Variants in SUMF1 observed in about 807,000 individuals in gnomAD.
SUMF1 encodes formylglycine-generating enzyme.
A neutral mutation model predicts 47.6 loss-of-function variants in SUMF1; 48 were observed. That is an observed-to-expected ratio of 1.01 (90% confidence interval 0.80 to 1.28). The LOEUF (loss-of-function observed/expected upper bound fraction) is 1.28. SUMF1 is among the 50% of genes most tolerant of loss of function. The pLI is 0.00. For missense variants in SUMF1, 571 were observed against 485.4 expected, an observed-to-expected ratio of 1.18 and a Z score of -1.66; for synonymous variants, 230 against 192.1, an observed-to-expected ratio of 1.20 and a Z score of -1.63.
intron 7 of SUMF1, among the ~76,000 whole-genome samples, chr3:4,381,093 C>G (rs1439411482): frequency 6.6e-6 from 1 of 152,122 alleles, no homozygotes; most frequent in Non-Finnish European, 1.5e-5. Flanking sequence ...CCCTTTCCCT[C>G]GTCATGCCCA....
intron 9 of SUMF1, among the ~76,000 whole-genome samples, chr3:4,048,443 A>G (rs1314221722): frequency 6.6e-6 from 1 of 152,302 alleles, no homozygotes; most frequent in African/African-American, 2.4e-5. Context: ...AAGTGGCAGA[A>G]CCAGAATTTA....
At chr3:4,450,171 G>A (rs1298774107) in intron 2 of SUMF1, among the ~76,000 whole-genome samples, 2 of 152,212 alleles carry the variant, frequency 1.3e-5, no homozygotes, top group Non-Finnish European at 2.9e-5. Context: ...GGTCTAGGGT[G>A]AGGTCAAGGA....
chr3:4,331,913 T>C (rs1280389403), intron 8 of SUMF1, among the ~76,000 whole-genome samples: 1 of 152,222 alleles, frequency 6.6e-6, no homozygotes, highest in African/African-American at 2.4e-5. Flanking sequence ...AAGCAAGTTT[T>C]ATGCCTTAAA....
chr3:4,114,011 T>C (rs989062583), intron 8 of SUMF1, among the ~76,000 whole-genome samples: 3 of 152,106 alleles, frequency 2.0e-5, no homozygotes, highest in African/African-American at 7.2e-5. Context: ...AAGATGCTGA[T>C]TGGACGTTTC....
intron 3 of SUMF1, among the ~76,000 whole-genome samples, chr3:4,421,232 A>G (rs1452179097): frequency 6.6e-6 from 1 of 152,090 alleles, no homozygotes; most frequent in East Asian, 1.9e-4. Flanking sequence ...AACTTATTTA[A>G]CCTCTTTCCC....
At chr3:4,397,988 G>C (rs1296230253) in intron 7 of SUMF1, among the ~76,000 whole-genome samples, 1 of 151,994 alleles carries the variant, frequency 6.6e-6, no homozygotes. Flanking sequence ...CCCATAAAGG[G>C]TATTACTATT....
chr3:4,363,485 A>G (rs1699840123), intron 8 of SUMF1, among the ~76,000 whole-genome samples: 1 of 151,536 alleles, frequency 6.6e-6, no homozygotes. Flanking sequence ...CTTTGAAGTA[A>G]TTGTGAATGG....
intron 8 of SUMF1, among the ~76,000 whole-genome samples, chr3:4,258,867 T>C (rs1038196867): frequency 7.3e-6 from 1 of 136,656 alleles, no homozygotes; most frequent in African/African-American, 2.8e-5. Context: ...CCAACCCAAA[T>C]GTCCAACAAT....
At chr3:4,242,067 C>T (rs560422916) in intron 8 of SUMF1, among the ~76,000 whole-genome samples, 1 of 152,200 alleles carries the variant, frequency 6.6e-6, no homozygotes, top group Admixed American at 6.5e-5. Context: ...ATGATCCTTG[C>T]CCTCTGTTTG....
intron 8 of SUMF1, among the ~76,000 whole-genome samples, chr3:4,271,783 T>C (rs1452718662): frequency 1.3e-5 from 2 of 152,158 alleles, no homozygotes; most frequent in East Asian, 3.8e-4. Context: ...ATTACAAGAA[T>C]GAGCCAACCT....
Position 4,361,961 on chromosome 3 carries a change from A to C in SUMF1, c.*183T>G, listed in dbSNP as rs1439087369. The stretch of plus-strand genomic sequence containing the variant: ...TCTCCAAAGATGCACCACACCATAA[A>C]GCACATGCACTGACCCAGGTCAGCA... On this transcript the variant is annotated 3_prime_UTR_variant, in exon 9 of 9. Transcript: ENST00000272902. 3.3e-6 allele frequency: 2 copies of C among 606,262 alleles called. No homozygotes were observed. Among genetic ancestry groups the C allele is most frequent in the Non-Finnish European group, 5.9e-6 (2 of 337,058 alleles). The allele number at this position is 606,262 out of a possible 1,614,324, so 37.6% of individuals were successfully genotyped here. A position where few individuals can be genotyped will look rare whatever the true frequency, so the allele number is the denominator to read the frequency against.
rs1436116763 is a variant in SUMF1 at position 4,364,047 on chromosome 3, AC to A, written c.1015-1794del. Among the ~76,000 whole-genome samples, 3 of 132,048 alleles carry A rather than the reference AC, an allele frequency of 2.3e-5. No individual in the cohort carries two copies. In the Admixed American group the frequency reaches 2.5e-4, roughly 11 times the overall value. The allele number at this position is 132,048 out of a possible 152,430, so 86.6% of individuals were successfully genotyped here. On this transcript the variant is annotated intron_variant, in intron 8 of 8. Transcript: ENST00000272902. Reference sequence around the variant, plus strand: ...ACATTTATTCATTTGCGTATATTGAACCAGACTTGCATCCCAGGGATGAAGC... The same window carrying A: ...ACATTTATTCATTTGCGTATATTGAACAGACTTGCATCCCAGGGATGAAGC...
intron 8 of SUMF1, among the ~76,000 whole-genome samples, chr3:4,119,889 T>C (rs17039969): frequency 0.051 from 7,704 of 152,206 alleles, 538 homozygotes; most frequent in East Asian, 0.15. Context: ...TTAGGTAGGG[T>C]ACAGCCATGT....
chr3:4,236,344 A>G (rs1345130891), intron 8 of SUMF1, among the ~76,000 whole-genome samples: 1 of 152,166 alleles, frequency 6.6e-6, no homozygotes, highest in Non-Finnish European at 1.5e-5. Flanking sequence ...AGGACAAGAG[A>G]TATAAGCACC....
At chr3:4,252,791 A>AT (rs1696836137) in intron 8 of SUMF1, among the ~76,000 whole-genome samples, 1 of 152,032 alleles carries the variant, frequency 6.6e-6, no homozygotes, top group Non-Finnish European at 1.5e-5. Context: ...GAAAAAAAAA[A>AT]CTGCAAATGG....
Position 4,049,517 on chromosome 3 carries a change from A to G in SUMF1, c.1191+19052T>C, listed in dbSNP as rs150378804. 7.7e-3 allele frequency among the ~76,000 whole-genome samples: 1,168 copies of G among 152,212 alleles called. 18 individuals are homozygous for G. The highest frequency in any genetic ancestry group is 0.026 in the African/African-American group (1,067 of 41,530). On this transcript the variant is annotated intron_variant and NMD_transcript_variant, in intron 9 of 12. Transcript: ENST00000448413. Reference sequence around the variant, plus strand: ...ACCCCTTGCTGAACGTGAGACAGGGATGTGACTCATCTGTTCAGTAACCAC... The same window carrying G: ...ACCCCTTGCTGAACGTGAGACAGGGGTGTGACTCATCTGTTCAGTAACCAC...
At chr3:4,229,188 C>A in intron 8 of SUMF1, 1 of 217,378 alleles carries the variant, frequency 4.6e-6, no homozygotes, top group Non-Finnish European at 9.3e-6. Flanking sequence ...CAATCTCTCA[C>A]TGGCTGGTCT....
intron 9 of SUMF1, among the ~76,000 whole-genome samples, chr3:4,050,609 G>T (rs1308541196): frequency 6.6e-6 from 1 of 151,434 alleles, no homozygotes; most frequent in Non-Finnish European, 1.5e-5. Context: ...CAGGTGTGTT[G>T]GCACACACCT....
At chr3:4,339,027 C>T (rs1005551909) in intron 8 of SUMF1, among the ~76,000 whole-genome samples, 2 of 152,154 alleles carry the variant, frequency 1.3e-5, no homozygotes, top group Non-Finnish European at 2.9e-5. Flanking sequence ...AACTTTCCAA[C>T]CAAGTTCAAA....
Sources: allele counts gnomAD v4.1 joint callset (sites outside exome capture counted in the v4.1 genomes callset), GRCh38; gene constraint gnomAD v4.1.1; transcripts MANE v1.5; gene names NCBI Gene and HGNC (gene_info 2026-07-23, HGNC 2026-07-21).